Variants in DNM1L observed in about 807,000 individuals in gnomAD.
DNM1L encodes dynamin-1-like protein.
In DNM1L, 33 loss-of-function variants were observed where a neutral mutation model predicts 92.8. The ratio of observed to expected loss-of-function variants is 0.36; its 90% CI spans 0.27 to 0.48. The LOEUF (loss-of-function observed/expected upper bound fraction) is 0.48. Ranked by LOEUF, DNM1L falls within the 20% of genes least tolerant of loss-of-function variation. The pLI is 0.99. For synonymous variants in DNM1L, 284 were observed against 305.0 expected (o/e 0.93, Z 0.72); for missense variants, 485 against 888.8 (o/e 0.55, Z 5.78).
chr12:32,687,701 C>T (rs570630843), intron 1 of DNM1L, among the ~76,000 whole-genome samples: 76 of 151,958 alleles, frequency 5.0e-4, no homozygotes, highest in African/African-American at 1.6e-3. Flanking sequence ...CCATCCACCT[C>T]GGCCTCCCAA....
At chr12:32,728,988 T>G (rs1193156714) in intron 9 of DNM1L, 1 of 151,928 alleles carries the variant, frequency 6.6e-6, no homozygotes, top group Non-Finnish European at 1.5e-5. Flanking sequence ...AGATGAGGTT[T>G]CACTGTGTTA....
At position 32,741,475 on chromosome 12, in the gene DNM1L, G is replaced by A. The variant is rs549539252; in HGVS notation, c.1994+957G>A. Among the ~76,000 whole-genome samples, 135 of 152,200 alleles carry A rather than the reference G, an allele frequency of 8.9e-4. 1 individual carries two copies. Among genetic ancestry groups the A allele is most frequent in the African/African-American group, 3.1e-3 (129 of 41,536 alleles). On this transcript the variant is annotated intron_variant, in intron 18 of 19. Transcript: ENST00000549701. ...TAATTTTTGTATTTTTAGTAGAGAC[G>A]GGTTTCACCATGTTGGCCAGGCTGG...
chr12:32,704,833 C>T (rs1592598307), intron 2 of DNM1L, among the ~76,000 whole-genome samples: 1 of 152,084 alleles, frequency 6.6e-6, no homozygotes, highest in Non-Finnish European at 1.5e-5. Flanking sequence ...ATGTATGTTT[C>T]AAATAAAATA....
chr12:32,707,294 T>C, intron 2 of DNM1L, 73 bp from the exon 3 acceptor site: 2 of 1,218,118 alleles, frequency 1.6e-6, no homozygotes, highest in South Asian at 2.6e-5. Flanking sequence ...TTTTATTATG[T>C]TGCCTTTTTG....
chr12:32,732,241 T>A (rs1158311676), intron 12 of DNM1L, among the ~76,000 whole-genome samples: 1 of 152,228 alleles, frequency 6.6e-6, no homozygotes, highest in Non-Finnish European at 1.5e-5. Flanking sequence ...TATTATTTAG[T>A]ACCACTGATC....
At chr12:32,737,278 G>C in intron 14 of DNM1L, 117 bp downstream of exon 14, 1 of 997,168 alleles carries the variant, frequency 1.0e-6, no homozygotes, top group Non-Finnish European at 1.5e-6. Context: ...ACACTCCATT[G>C]GAACTAACTG....
chr12:32,724,824 C>T (rs1452607224), intron 9 of DNM1L, among the ~76,000 whole-genome samples: 1 of 151,042 alleles, frequency 6.6e-6, no homozygotes, highest in East Asian at 1.9e-4. Context: ...AAAATGTGAG[C>T]TTTTAATGAG....
intron 2 of DNM1L, chr12:32,706,059 ATTTAT>A (rs1032546568): frequency 2.2e-5 from 10 of 464,662 alleles, no homozygotes; most frequent in Admixed American, 8.0e-5. Context: ...GGTGAATGTA[ATTTAT>A]TTTATTTTTA....
In DNM1L at chr12:32,743,745, CTT is replaced by C. The variant is rs963294504; in HGVS notation, c.*337_*338del. 2.8e-5 allele frequency: 9 copies of C among 317,128 alleles called. No individual in the cohort carries two copies. Among genetic ancestry groups the C allele is most frequent in the Admixed American group, 1.8e-4 (4 of 22,462 alleles). The allele number at this position is 317,128 out of a possible 1,614,324, so 19.6% of individuals were successfully genotyped here. On this transcript the variant is annotated 3_prime_UTR_variant, in exon 20 of 20. Coordinates refer to ENST00000549701, the MANE Select transcript of DNM1L (RefSeq NM_012062.5). ...TGGATAAGATGACCTGTGTAATAATCTTTGTTAGTAGTCTTAAAGCTGCTGCC... is the reference window on the plus strand; with the variant it reads ...TGGATAAGATGACCTGTGTAATAATCTGTTAGTAGTCTTAAAGCTGCTGCC...
intron 1 of DNM1L, among the ~76,000 whole-genome samples, chr12:32,695,491 T>C (rs750152984): frequency 1.3e-5 from 2 of 152,114 alleles, no homozygotes; most frequent in African/African-American, 2.4e-5. Flanking sequence ...AGAAAATGGC[T>C]GGACATGGTG....
At chr12:32,709,484 C>T (rs1953044584) in intron 4 of DNM1L, 1 of 152,104 alleles carries the variant, frequency 6.6e-6, no homozygotes, top group Admixed American at 6.6e-5. Flanking sequence ...TCTATACCTA[C>T]AAGATGTTTA....
chr12:32,741,556 A>T (rs1167946711), intron 18 of DNM1L, among the ~76,000 whole-genome samples: 1 of 152,152 alleles, frequency 6.6e-6, no homozygotes, highest in African/African-American at 2.4e-5. Context: ...AAGTGCTGGG[A>T]TTATAGGCGT....
At position 32,736,972 on chromosome 12, in the gene DNM1L, T is replaced by C; in HGVS notation, c.1540-133T>C. 5.0e-6 allele frequency: 4 copies of C among 794,454 alleles called. No homozygotes were observed. The South Asian group carries it at 6.4e-5, about 13-fold the overall frequency. 49.2% of individuals were successfully genotyped at this position (794,454 alleles called of 1,614,324 possible). On this transcript the variant is annotated intron_variant, in intron 13 of 19. Transcript: ENST00000549701. ...CTTATTTATTTTAAAATATGATAAT[T>C]ATGGCATGAGTCCCAACAGTGAGAG...
chr12:32,690,267 A>C (rs1435181257), intron 1 of DNM1L, among the ~76,000 whole-genome samples: 1 of 152,216 alleles, frequency 6.6e-6, no homozygotes, highest in African/African-American at 2.4e-5. Context: ...ACAGTATTAA[A>C]AATAAATGAA....
At chr12:32,717,072 G>GGT (rs1435432455) in intron 6 of DNM1L, among the ~76,000 whole-genome samples, 6 of 119,360 alleles carry the variant, frequency 5.0e-5, no homozygotes, top group Non-Finnish European at 1.0e-4. Flanking sequence ...TATATACATA[G>GGT]GTATATATAT....
At chr12:32,699,126 G>A (rs1255624891) in intron 1 of DNM1L, among the ~76,000 whole-genome samples, 1 of 152,134 alleles carries the variant, frequency 6.6e-6, no homozygotes, top group African/African-American at 2.4e-5. Flanking sequence ...GGAGTATCAT[G>A]ATTTCTGTAA....
chr12:32,690,766 G>A (rs1297859539), intron 1 of DNM1L, among the ~76,000 whole-genome samples: 2 of 152,070 alleles, frequency 1.3e-5, no homozygotes. Context: ...ATTAATGTTA[G>A]CCATTACTAC....
chr12:32,703,614 C>CA (rs61051514), intron 2 of DNM1L, among the ~76,000 whole-genome samples: 7,097 of 86,764 alleles, frequency 0.082, 208 homozygotes, highest in African/African-American at 0.11. Flanking sequence ...CATAAACTTT[C>CA]AAAAAAAAAA....
chr12:32,740,768 T>TTGAGTCATTTAA, intron 18 of DNM1L, among the ~76,000 whole-genome samples: 1 of 152,324 alleles, frequency 6.6e-6, no homozygotes, highest in East Asian at 1.9e-4. Flanking sequence ...CTGCCACATT[T>TTGAGTCATTTAA]TGAGTCATTT....
Sources: allele counts gnomAD v4.1 joint callset (sites outside exome capture counted in the v4.1 genomes callset), GRCh38; gene constraint gnomAD v4.1.1; transcripts MANE v1.5; gene names NCBI Gene and HGNC (gene_info 2026-07-23, HGNC 2026-07-21).